Variants in SPIC observed in about 807,000 individuals in gnomAD.
SPIC encodes transcription factor Spi-C.
SPIC carries 9 observed loss-of-function variants against 16.7 expected under a neutral mutation model. The ratio of observed to expected loss-of-function variants is 0.54; its 90% CI spans 0.33 to 0.94. The LOEUF is 0.94. Among genes scored for constraint, SPIC ranks in the 40% least tolerant of loss-of-function variants. The pLI is 0.03. For synonymous variants in SPIC, 97 were observed against 102.9 expected, an observed-to-expected ratio of 0.94 and a Z score of 0.35; for missense variants, 241 against 285.8, an observed-to-expected ratio of 0.84 and a Z score of 1.13.
chr12:101,477,479 C>G (rs1280897442), intron 2 of SPIC, 79 bp from the exon 3 acceptor site: 8 of 1,351,280 alleles, frequency 5.9e-6, no homozygotes, highest in Middle Eastern at 1.8e-4. Context: ...CTCCTTTAGA[C>G]TAAATACTAT....
At chr12:101,477,897 C>T (rs1873008306) in intron 3 of SPIC, among the ~76,000 whole-genome samples, 1 of 152,134 alleles carries the variant, frequency 6.6e-6, no homozygotes, top group Non-Finnish European at 1.5e-5. Flanking sequence ...CGACTGTAAT[C>T]CCAGCTACTC....
intron 3 of SPIC, among the ~76,000 whole-genome samples, chr12:101,477,893 T>C (rs1240632641): frequency 1.3e-5 from 2 of 152,270 alleles, no homozygotes; most frequent in East Asian, 3.9e-4. Context: ...GGCGCGACTG[T>C]AATCCCAGCT....
chr12:101,483,006 T>C (rs1873256058), intron 5 of SPIC, 106 bp downstream of exon 5: 1 of 953,220 alleles, frequency 1.0e-6, no homozygotes, highest in Middle Eastern at 2.2e-4. Context: ...TGCAAAATAT[T>C]CTTTTATCAC....
At position 101,486,738 on chromosome 12, in the gene SPIC, C is replaced by G; in HGVS notation, c.714C>G (p.Ala238=). The change falls in exon 6 of 6, where the codon GCC becomes GCG. Residue 238 remains alanine, a synonymous_variant. Coordinates refer to ENST00000551346, the MANE Select transcript of SPIC (RefSeq NM_152323.3). ...ATGCAAATTATAATTATACATATGC[C>G]AATTACCATGAGCTAAATCACCATG... ...NWNANYNYTY[A]NYHELNHHDC is the part of the protein sequence containing the mutation. The G allele has an allele frequency of 6.3e-7, 1 of 1,589,180 alleles. No homozygotes were observed. Among genetic ancestry groups the G allele is most frequent in the Non-Finnish European group, 8.6e-7 (1 of 1,164,624 alleles).
chr12:101,483,086 G>GGTT (rs748043175), intron 5 of SPIC, among the ~76,000 whole-genome samples, 186 bp downstream of exon 5: 2 of 129,096 alleles, frequency 1.5e-5, no homozygotes, highest in Admixed American at 8.1e-5. Context: ...GACTTCCTGT[G>GGTT]TTTTTTTTTT....
chr12:101,479,172 A>AAAAGAAAGAAAGAAAGAAAGAAAG (rs199501054), intron 3 of SPIC, among the ~76,000 whole-genome samples: 77 of 82,948 alleles, frequency 9.3e-4, no homozygotes, highest in Non-Finnish European at 1.1e-3. Context: ...GAAAGAAAGA[A>AAAAGAAAGAAAGAAAGAAAGAAAG]AAAGAAAGAA....
At chr12:101,477,345 G>C (rs1005238384) in intron 2 of SPIC, among the ~76,000 whole-genome samples, 2 of 152,118 alleles carry the variant, frequency 1.3e-5, no homozygotes, top group African/African-American at 2.4e-5. Context: ...AACTGTGAAG[G>C]TACTACTGGC....
Position 101,482,782 on chromosome 12 carries a change from A to G in SPIC, c.211-10A>G. 1 of 1,600,672 alleles carries G rather than the reference A, an allele frequency of 6.2e-7. No homozygotes were observed. The highest frequency in any genetic ancestry group is 8.5e-7 in the Non-Finnish European group (1 of 1,174,500). On this transcript the variant is annotated splice_polypyrimidine_tract_variant and intron_variant, in intron 4 of 5. Coordinates refer to ENST00000551346, the MANE Select transcript of SPIC (RefSeq NM_152323.3). Reference sequence around the variant, plus strand: ...GTCTCACTTAACATCCTGCTTCATTATTTATATAGAACAGTGCTGCGGACT... The same window carrying G: ...GTCTCACTTAACATCCTGCTTCATTGTTTATATAGAACAGTGCTGCGGACT...
At chr12:101,482,665 T>G in intron 4 of SPIC, 127 bp from the exon 5 acceptor site, 2 of 806,060 alleles carry the variant, frequency 2.5e-6, no homozygotes, top group Non-Finnish European at 4.0e-6. Flanking sequence ...CTGGCTGCAG[T>G]TGGGGGTAAT....
intron 3 of SPIC, among the ~76,000 whole-genome samples, chr12:101,479,307 AAAAGAAAGAAAGAAAGAAAG>A (rs5800473): frequency 4.5e-5 from 4 of 88,166 alleles, no homozygotes; most frequent in Admixed American, 2.3e-4. Context: ...AAAGAAAGAA[AAAAGAAAGAAAGAAAGAAAG>A]AAAGAAAGAA....
In SPIC at chr12:101,484,814, G is replaced by A. The variant is rs564564014; in HGVS notation, c.320-1530G>A. ...ACCCGGGAGGCAGAGGTTGCAGTGAGCCAAGATTGCGCCACTACACTCCAG... is the reference window on the plus strand; with the variant it reads ...ACCCGGGAGGCAGAGGTTGCAGTGAACCAAGATTGCGCCACTACACTCCAG... On this transcript the variant is annotated intron_variant, in intron 5 of 5. Transcript: ENST00000551346. Among the ~76,000 whole-genome samples, 5 of 151,796 alleles carry A rather than the reference G, an allele frequency of 3.3e-5. 1 individual carries two copies. In the South Asian group the frequency reaches 1.0e-3, roughly 31 times the overall value.
chr12:101,484,336 C>G (rs1176375272), intron 5 of SPIC, among the ~76,000 whole-genome samples: 1 of 151,360 alleles, frequency 6.6e-6, no homozygotes, highest in Non-Finnish European at 1.5e-5. Context: ...GAGTTCGAGA[C>G]GAACCTGGCC....
chr12:101,477,212 T>A (rs1035627459), intron 2 of SPIC, among the ~76,000 whole-genome samples: 6 of 152,228 alleles, frequency 3.9e-5, no homozygotes, highest in Non-Finnish European at 8.8e-5. Flanking sequence ...TAATGTTAAA[T>A]ACTGTACTAT....
chr12:101,485,604 C>T (rs1214624835), intron 5 of SPIC, among the ~76,000 whole-genome samples: 2 of 152,066 alleles, frequency 1.3e-5, no homozygotes, highest in African/African-American at 2.4e-5. Flanking sequence ...TATTAATTTC[C>T]TTAATATTAC....
rs1237257094 is a variant in SPIC, at chr12:101,479,277, A to G, written c.98-305A>G. ...AAGAAGGAAGGAAAGAAAGAAAGAA[A>G]GAAAGAAAAAGAAAGAAAGAAAGAA... On this transcript the variant is annotated intron_variant, in intron 3 of 5. Coordinates refer to ENST00000551346, the MANE Select transcript of SPIC (RefSeq NM_152323.3). Among the ~76,000 whole-genome samples the G allele has an allele frequency of 6.3e-4, 43 of 68,004 alleles. 1 individual carries two copies. The highest frequency in any genetic ancestry group is 2.1e-3 in the African/African-American group (24 of 11,620). 44.6% of individuals were successfully genotyped at this position (68,004 alleles called of 152,430 possible).
chr12:101,477,484 T>A (rs1236446738), intron 2 of SPIC, 74 bp from the exon 3 acceptor site: 3 of 1,378,768 alleles, frequency 2.2e-6, no homozygotes, highest in Non-Finnish European at 3.1e-6. Context: ...TTAGACTAAA[T>A]ACTATTTTAA....
At chr12:101,482,952 T>C in intron 5 of SPIC, 52 bp downstream of exon 5, 3 of 1,481,342 alleles carry the variant, frequency 2.0e-6, no homozygotes, top group Non-Finnish European at 2.8e-6. Context: ...ATCTTCCTCA[T>C]AGCTGCTTTA....
At chr12:101,479,180 G>GAAAGAAAGAA (rs1873064681) in intron 3 of SPIC, among the ~76,000 whole-genome samples, 2 of 79,168 alleles carry the variant, frequency 2.5e-5, no homozygotes, top group African/African-American at 1.1e-4. Context: ...GAAAAAGAAA[G>GAAAGAAAGAA]AAAGAAAGAA....
chr12:101,479,823 T>C (rs1478920563), intron 4 of SPIC, 129 bp downstream of exon 4: 1 of 593,892 alleles, frequency 1.7e-6, no homozygotes, highest in African/African-American at 1.9e-5. Flanking sequence ...TCTTTCTTTT[T>C]TTTTTTTTTT....
Sources: allele counts gnomAD v4.1 joint callset (sites outside exome capture counted in the v4.1 genomes callset), GRCh38; gene constraint gnomAD v4.1.1; transcripts MANE v1.5; gene names NCBI Gene and HGNC (gene_info 2026-07-23, HGNC 2026-07-21).